The following TM9SF2 variants were observed in gnomAD, a reference collection of about 807,000 sequenced individuals.
TM9SF2 encodes 76 kDa membrane protein.
A neutral mutation model predicts 84.9 loss-of-function variants in TM9SF2; 13 were observed. The observed-to-expected ratio is 0.15, with a 90% confidence interval of 0.10 to 0.24. TM9SF2 has a LOEUF of 0.24. TM9SF2 is among the 10% of genes least tolerant of loss of function. The pLI is 1.00. For synonymous variants in TM9SF2, 273 were observed against 285.8 expected, an observed-to-expected ratio of 0.96 and a Z score of 0.45; for missense variants, 562 against 818.5, an observed-to-expected ratio of 0.69 and a Z score of 3.82.
At chr13:99,522,057 A>G (rs966050799) in intron 3 of TM9SF2, among the ~76,000 whole-genome samples, 7 of 151,738 alleles carry the variant, frequency 4.6e-5, no homozygotes, top group African/African-American at 1.2e-4. Context: ...GTGTCACTCT[A>G]TTGCTCAGGC....
In TM9SF2 at chr13:99,530,206, C is replaced by T. The variant is rs933060229; in HGVS notation, c.461+612C>T. ...TTGGGAGGCTGAGGCGGTTGGATCA[C>T]GAGGTCAGGAGATCGAGACCATCCT... On this transcript the variant is annotated intron_variant, in intron 4 of 16. Coordinates refer to ENST00000376387, the MANE Select transcript of TM9SF2 (RefSeq NM_004800.3). Among the ~76,000 whole-genome samples the T allele has an allele frequency of 2.2e-4, 34 of 152,222 alleles. 1 individual carries two copies. Among genetic ancestry groups the T allele is most frequent in the African/African-American group, 7.0e-4 (29 of 41,548 alleles).
chr13:99,526,230 T>C (rs2046182911), intron 3 of TM9SF2, among the ~76,000 whole-genome samples: 1 of 152,184 alleles, frequency 6.6e-6, no homozygotes, highest in Non-Finnish European at 1.5e-5. Context: ...TCAGGGACCC[T>C]CTGGCCAGCT....
At chr13:99,550,794 A>T (rs974517003) in intron 12 of TM9SF2, among the ~76,000 whole-genome samples, 1 of 152,256 alleles carries the variant, frequency 6.6e-6, no homozygotes, top group Non-Finnish European at 1.5e-5. Context: ...TTTATAGAGA[A>T]ATATTTCCTT....
intron 4 of TM9SF2, among the ~76,000 whole-genome samples, chr13:99,530,526 A>G (rs367823542): frequency 6.6e-6 from 1 of 152,288 alleles, no homozygotes; most frequent in Admixed American, 6.5e-5. Flanking sequence ...AAAGCACAAT[A>G]AAGTGAAGTG....
intron 9 of TM9SF2, among the ~76,000 whole-genome samples, chr13:99,542,328 T>G (rs2046263995): frequency 6.6e-6 from 1 of 152,228 alleles, no homozygotes; most frequent in South Asian, 2.1e-4. Context: ...TTGAATGGAA[T>G]AACTCCTAAG....
At chr13:99,515,881 T>G (rs12585330) in intron 1 of TM9SF2, among the ~76,000 whole-genome samples, 14,617 of 152,008 alleles carry the variant, frequency 0.096, 848 homozygotes, top group East Asian at 0.21. Flanking sequence ...TACAGGTATG[T>G]GCCAATACAC....
Position 99,562,722 on chromosome 13 carries a change from T to G in TM9SF2, c.1956T>G (p.Phe652Leu), listed in dbSNP as rs1023286428. The G allele has an allele frequency of 7.4e-6, 12 of 1,613,472 alleles. No individual in the cohort carries two copies. ...GTIGFFACFW[F>L]VTKIYSVVKV... ...TTGGCTTCTTTGCATGCTTTTGGTT[T>G]GTTACCAAAATATACAGTGTGGTGA... Residue 652 changes from phenylalanine (F) to leucine (L), a missense_variant, in exon 17 of 17, where the codon TTT becomes TTG. By Grantham distance (22) the Phe-to-Leu change is conservative (BLOSUM62 0). Transcript: ENST00000376387.
chr13:99,518,292 G>A (rs2031424), intron 2 of TM9SF2, among the ~76,000 whole-genome samples: 137,927 of 152,210 alleles, frequency 0.91, 62,540 homozygotes, highest in Admixed American at 0.93. Flanking sequence ...TTGTATTTTT[G>A]GTAGAGATGG....
intron 13 of TM9SF2, among the ~76,000 whole-genome samples, chr13:99,553,834 T>G (rs981556692): frequency 5.3e-5 from 8 of 152,192 alleles, no homozygotes; most frequent in African/African-American, 1.9e-4. Context: ...ATACAGCCAT[T>G]CATTGTTGTT....
At chr13:99,519,090 T>A (rs2046147768) in intron 2 of TM9SF2, among the ~76,000 whole-genome samples, 2 of 152,124 alleles carry the variant, frequency 1.3e-5, no homozygotes, top group Non-Finnish European at 2.9e-5. Flanking sequence ...GTTACGACTA[T>A]CCTAAAGAAT....
At chr13:99,545,812 G>A (rs570720197) in intron 10 of TM9SF2, among the ~76,000 whole-genome samples, 7 of 152,048 alleles carry the variant, frequency 4.6e-5, no homozygotes, top group Non-Finnish European at 1.0e-4. Context: ...TGATCCGCCC[G>A]CCTCGGCCTC....
At chr13:99,539,379 T>C (rs2046248568) in intron 6 of TM9SF2, 67 bp from the exon 7 acceptor site, 7 of 949,078 alleles carry the variant, frequency 7.4e-6, no homozygotes, top group Non-Finnish European at 1.2e-5. Context: ...ACAAAATCTG[T>C]AACCTTTACC....
chr13:99,531,496 ACC>A (rs2046209622), intron 4 of TM9SF2, among the ~76,000 whole-genome samples: 1 of 150,820 alleles, frequency 6.6e-6, no homozygotes, highest in South Asian at 2.1e-4. Context: ...CCTCCACCCC[ACC>A]CAACCCCCAT....
chr13:99,550,363 A>G (rs2046300613), intron 12 of TM9SF2, among the ~76,000 whole-genome samples: 2 of 152,202 alleles, frequency 1.3e-5, no homozygotes, highest in African/African-American at 4.8e-5. Flanking sequence ...ATTTTTCTCC[A>G]TCATTTTACT....
chr13:99,506,217 CAG>C (rs1191909802), intron 1 of TM9SF2, among the ~76,000 whole-genome samples: 12 of 152,018 alleles, frequency 7.9e-5, no homozygotes, highest in Non-Finnish European at 1.0e-4. Context: ...TGAACGGACA[CAG>C]AATGAATATA....
intron 16 of TM9SF2, among the ~76,000 whole-genome samples, 176 bp from the exon 17 acceptor site, chr13:99,562,510 CTTGAT>C (rs1424492474): frequency 6.6e-6 from 1 of 151,858 alleles, no homozygotes; most frequent in Non-Finnish European, 1.5e-5. Context: ...TTGTAAGAAA[CTTGAT>C]TTGAGGTGGT....
chr13:99,518,267 A>G (rs1304003126), intron 2 of TM9SF2, among the ~76,000 whole-genome samples: 1 of 152,168 alleles, frequency 6.6e-6, no homozygotes, highest in East Asian at 1.9e-4. Flanking sequence ...GCATGCCACC[A>G]CGTCTGGCTA....
chr13:99,554,215 G>GA (rs1207179104), intron 13 of TM9SF2, 89 bp from the exon 14 acceptor site: 4 of 1,483,570 alleles, frequency 2.7e-6, no homozygotes, highest in African/African-American at 1.4e-5. Flanking sequence ...CATAGAAGCT[G>GA]AAAAAAAGCA....
chr13:99,546,699 A>G (rs756038363), intron 10 of TM9SF2, among the ~76,000 whole-genome samples: 2 of 151,918 alleles, frequency 1.3e-5, no homozygotes, highest in South Asian at 2.1e-4. Flanking sequence ...AGTCAAATGC[A>G]CTCTTGAGCA....
Sources: allele counts gnomAD v4.1 joint callset (sites outside exome capture counted in the v4.1 genomes callset), GRCh38; gene constraint gnomAD v4.1.1; transcripts MANE v1.5; gene names NCBI Gene and HGNC (gene_info 2026-07-23, HGNC 2026-07-21).